TMEM185A: variants seen among roughly 807,000 people sequenced by gnomAD.
TMEM185A encodes the protein family with sequence similarity 11, member A.
TMEM185A carries 9 observed loss-of-function variants against 25.0 expected under a neutral mutation model. That is an observed-to-expected ratio of 0.36 (90% CI 0.22 to 0.63). The LOEUF (loss-of-function observed/expected upper bound fraction) is 0.63, where lower values mean the gene tolerates loss of function less well. TMEM185A is among the 20% of genes least tolerant of loss of function. The probability of loss-of-function intolerance (pLI) is 0.68; values close to 1 mark genes in which losing one functional copy is unlikely to be tolerated. For synonymous variants in TMEM185A, 45 were observed against 93.5 expected, an observed-to-expected ratio of 0.48 and a Z score of 2.99; for missense variants, 103 against 237.4, an observed-to-expected ratio of 0.43 and a Z score of 3.72.
At chrX:149,620,796 C>T (rs1231890182) in intron 1 of TMEM185A, among the ~76,000 whole-genome samples, 1 of 112,122 alleles carries the variant, frequency 8.9e-6, no homozygotes, top group Non-Finnish European at 1.9e-5. Context: ...CAAAAACAGG[C>T]TTTTATAAGC....
intron 3 of TMEM185A, chrX:149,605,163 C>T (rs1489856784): frequency 4.4e-5 from 5 of 113,002 alleles, no homozygotes; most frequent in African/African-American, 1.3e-4. Context: ...GCATAGCAGA[C>T]CCAGCTGTGC....
chrX:149,619,064 G>A (rs1368173093), intron 1 of TMEM185A, among the ~76,000 whole-genome samples: 1 of 111,858 alleles, frequency 8.9e-6, no homozygotes, highest in Non-Finnish European at 1.9e-5. Context: ...TAACTATGAT[G>A]TGGAATCTGA....
At chrX:149,609,939 T>TA (rs1307131863) in intron 2 of TMEM185A, among the ~76,000 whole-genome samples, 5 of 111,464 alleles carry the variant, frequency 4.5e-5, no homozygotes, top group African/African-American at 1.6e-4. Context: ...AAATATCTCA[T>TA]AAAAAAATAA....
At chrX:149,610,621 A>C (rs16995456) in intron 2 of TMEM185A, among the ~76,000 whole-genome samples, 19,405 of 108,254 alleles carry the variant, frequency 0.18, 2,381 homozygotes, top group African/African-American at 0.43. Context: ...GAAGGGAAAG[A>C]CTCTCGCAGG....
rs1044196397 is a variant in TMEM185A, at chrX:149,604,023, G to C, written c.471C>G (p.Ala157=). 2.5e-6 allele frequency: 3 copies of C among 1,207,104 alleles called. No individual in the cohort carries two copies. The Admixed American group carries it at 6.6e-5, about 26-fold the overall frequency. ...AGTGGATGATCTTGTCCAGTCTTAA[G>C]GCAATGAATATAAACTGGAGAATGT... is the stretch of plus-strand genomic sequence containing the variant. ...SVNILQFIFI[A]LRLDKIIHWP... Residue 157 remains alanine, a synonymous_variant, in exon 4 of 7, where the codon GCC becomes GCG. Transcript: ENST00000600449.
At chrX:149,610,376 C>T (rs1271174510) in intron 2 of TMEM185A, among the ~76,000 whole-genome samples, 5 of 84,375 alleles carry the variant, frequency 5.9e-5, no homozygotes, top group Non-Finnish European at 8.6e-5. Context: ...TGCAGTGGGC[C>T]GAGATCACAC....
At chrX:149,604,101 A>G (rs1557352901) in intron 3 of TMEM185A, 31 bp from the exon 4 acceptor site, 1 of 1,071,831 alleles carries the variant, frequency 9.3e-7, no homozygotes, top group Admixed American at 2.3e-5. Context: ...CAGTTAAACA[A>G]AGTATAATTT....
chrX:149,627,838 T>C lies in TMEM185A; in HGVS notation c.38+3705A>G, dbSNP rs186033385. Among the ~76,000 whole-genome samples the C allele has an allele frequency of 3.3e-4, 37 of 112,565 alleles. No individual in the cohort carries two copies. In the East Asian group the frequency reaches 9.2e-3, roughly 28 times the overall value. The stretch of plus-strand genomic sequence containing the variant: ...TACATCACTTGGCACGAGATAGGAA[T>C]CTAGATGTTTGAGGAATCAATGTTA... On this transcript the variant is annotated intron_variant, in intron 1 of 6. Transcript: ENST00000600449.
rs1330935583 is a variant in TMEM185A, at chrX:149,628,216, C to T, written c.38+3327G>A. 1.9e-4 allele frequency among the ~76,000 whole-genome samples: 21 copies of T among 111,529 alleles called. No individual in the cohort carries two copies. The Admixed American group carries it at 1.9e-3, about 10-fold the overall frequency. On this transcript the variant is annotated intron_variant, in intron 1 of 6. Coordinates refer to ENST00000600449, the MANE Select transcript of TMEM185A (RefSeq NM_032508.4). ...CCACATGGCTACCAGGGTGGAAGGG[C>T]CTTCTCTGAACCAGCAACTCCCCCA...
At chrX:149,627,417 A>T (rs2090169447) in intron 1 of TMEM185A, among the ~76,000 whole-genome samples, 1 of 112,133 alleles carries the variant, frequency 8.9e-6, no homozygotes, top group Admixed American at 9.4e-5. Flanking sequence ...AGCAGAAACA[A>T]TTTTTCTTAG....
At chrX:149,615,951 G>A (rs781965494) in intron 1 of TMEM185A, among the ~76,000 whole-genome samples, 8 of 112,012 alleles carry the variant, frequency 7.1e-5, no homozygotes, top group African/African-American at 1.3e-4. Flanking sequence ...GGGTTCTGGC[G>A]AGGGCTGCCT....
intron 2 of TMEM185A, among the ~76,000 whole-genome samples, chrX:149,610,721 T>C (rs1243864870): frequency 1.1e-4 from 12 of 110,720 alleles, no homozygotes; most frequent in African/African-American, 3.9e-4. Flanking sequence ...AGGGCAAGAG[T>C]TGGAAACGGT....
chrX:149,614,794 T>C (rs781898635), intron 1 of TMEM185A, among the ~76,000 whole-genome samples: 15 of 111,725 alleles, frequency 1.3e-4, no homozygotes, highest in Non-Finnish European at 2.5e-4. Context: ...AAGTAGGGGA[T>C]ATTATAAACA....
intron 1 of TMEM185A, among the ~76,000 whole-genome samples, chrX:149,624,956 A>C (rs2090156612): frequency 8.9e-6 from 1 of 112,248 alleles, no homozygotes; most frequent in Admixed American, 9.4e-5. Flanking sequence ...AGCACTGTGT[A>C]AATGATACAT....
chrX:149,610,025 C>A (rs1248690922), intron 2 of TMEM185A, among the ~76,000 whole-genome samples: 1 of 111,606 alleles, frequency 9.0e-6, no homozygotes, highest in Non-Finnish European at 1.9e-5. Flanking sequence ...CATGAATGTC[C>A]CTCACCTGCC....
intron 3 of TMEM185A, among the ~76,000 whole-genome samples, chrX:149,607,096 G>C (rs1557353629): frequency 9.0e-6 from 1 of 111,560 alleles, no homozygotes; most frequent in Non-Finnish European, 1.9e-5. Flanking sequence ...CCTTGTTCAA[G>C]GCCAAACCCT....
At chrX:149,603,873 T>A in intron 4 of TMEM185A, 114 bp downstream of exon 4, 1 of 563,618 alleles carries the variant, frequency 1.8e-6, no homozygotes, top group East Asian at 3.7e-5. Context: ...GGATTATGGG[T>A]GACTATTAGG....
chrX:149,631,569 C>A lies in TMEM185A; in HGVS notation c.12G>T (p.Arg4Ser). 8.5e-7 allele frequency: 1 copy of A among 1,171,093 alleles called. No individual in the cohort carries two copies. The highest frequency in any genetic ancestry group is 1.1e-6 in the Non-Finnish European group (1 of 874,969). Residue 4 changes from arginine to serine, a missense_variant, in exon 1 of 7, where the codon AGG (arginine) becomes AGT (serine). By Grantham distance (110) the Arg-to-Ser change is moderately radical. Coordinates refer to ENST00000600449, the MANE Select transcript of TMEM185A (RefSeq NM_032508.4). The stretch of plus-strand genomic sequence containing the variant: ...TCGGGTTGAAGTCCTGGAAGAGGCC[C>A]CTCAGGTTCATGGCGGAGAACTTCA... Reference protein sequence around the residue: MNLRGLFQDFNPSK... With the variant: MNLSGLFQDFNPSK...
intron 3 of TMEM185A, among the ~76,000 whole-genome samples, chrX:149,605,820 A>C (rs1315323517): frequency 4.5e-5 from 5 of 111,809 alleles, no homozygotes; most frequent in Admixed American, 1.9e-4. Flanking sequence ...CCTCCAGCCC[A>C]AACGCCCTGC....
Sources: allele counts gnomAD v4.1 joint callset (sites outside exome capture counted in the v4.1 genomes callset), GRCh38; gene constraint gnomAD v4.1.1; transcripts MANE v1.5; gene names NCBI Gene and HGNC (gene_info 2026-07-23, HGNC 2026-07-21).